The following CCDC178 variants were observed in gnomAD, a reference collection of about 807,000 sequenced individuals.
The protein encoded by CCDC178 is coiled-coil domain-containing protein 178.
A neutral mutation model predicts 117.4 loss-of-function variants in CCDC178; 126 were observed. The observed-to-expected ratio is 1.07, with a 90% CI of 0.93 to 1.24. CCDC178 has a LOEUF of 1.24. Among genes scored for constraint, CCDC178 ranks in the 50% most tolerant of loss-of-function variants. CCDC178 has a pLI of 0.00. For synonymous variants in CCDC178, 283 were observed against 313.4 expected, an observed-to-expected ratio of 0.90 and a Z score of 1.02; for missense variants, 1,030 against 986.9, an observed-to-expected ratio of 1.04 and a Z score of -0.59.
At chr18:33,060,017 A>C (rs1039932249) in intron 21 of CCDC178, among the ~76,000 whole-genome samples, 12 of 151,878 alleles carry the variant, frequency 7.9e-5, no homozygotes, top group Non-Finnish European at 1.6e-4. Flanking sequence ...GCTCTCTCAT[A>C]TTTTGGGTTA....
At chr18:33,346,077 C>T (rs1326357728) in intron 9 of CCDC178, 134 bp downstream of exon 9, 1 of 588,468 alleles carries the variant, frequency 1.7e-6, no homozygotes, top group East Asian at 3.1e-5. Context: ...ATCCGCATCC[C>T]CAGCCTCCCA....
intron 22 of CCDC178, among the ~76,000 whole-genome samples, chr18:32,946,186 T>C (rs2054342786): frequency 6.6e-6 from 1 of 152,192 alleles, no homozygotes; most frequent in African/African-American, 2.4e-5. Flanking sequence ...AAATAATTTT[T>C]ACTCATGAGA....
intron 11 of CCDC178, among the ~76,000 whole-genome samples, chr18:33,312,316 G>A (rs1292287064): frequency 1.3e-5 from 2 of 152,090 alleles, no homozygotes; most frequent in African/African-American, 2.4e-5. Flanking sequence ...GGAAACAGGA[G>A]CTAACATGAA....
Position 33,335,816 on chromosome 18 carries a change from T to G in CCDC178, c.659-2422A>C, listed in dbSNP as rs1467160842. Among the ~76,000 whole-genome samples, 3 of 152,084 alleles carry G rather than the reference T, an allele frequency of 2.0e-5. No individual in the cohort carries two copies. The East Asian group carries it at 5.8e-4, about 29-fold the overall frequency. On this transcript the variant is annotated intron_variant, in intron 9 of 22. Transcript: ENST00000383096. ...CAGATATAATCCTATATCTGACACA[T>G]TTTGAGTAAAATTATGTGGTCTGCT...
intron 6 of CCDC178, among the ~76,000 whole-genome samples, 169 bp from the exon 7 acceptor site, chr18:33,356,515 C>A (rs920139726): frequency 6.6e-6 from 1 of 151,806 alleles, no homozygotes; most frequent in African/African-American, 2.4e-5. Flanking sequence ...CTAAGCCCCC[C>A]CAACTGACTG....
At chr18:33,401,994 C>A (rs919330482) in intron 3 of CCDC178, among the ~76,000 whole-genome samples, 1 of 151,962 alleles carries the variant, frequency 6.6e-6, no homozygotes. Context: ...CAAATAAAAT[C>A]TGGTATTAAT....
Position 33,238,083 on chromosome 18 carries a change from C to A in CCDC178, c.1593+7162G>T, listed in dbSNP as rs77756192. Reference sequence around the variant, plus strand: ...AAGAAACTACATAGAGACTACATTACTGTATCCACCTGGGACTAAATACAA... The same window carrying A: ...AAGAAACTACATAGAGACTACATTAATGTATCCACCTGGGACTAAATACAA... On this transcript the variant is annotated intron_variant, in intron 15 of 22. Coordinates refer to ENST00000383096, the MANE Select transcript of CCDC178 (RefSeq NM_001105528.4). Among the ~76,000 whole-genome samples the A allele has an allele frequency of 9.0e-3, 1,372 of 152,338 alleles. 12 individuals carry two copies. Among genetic ancestry groups the A allele is most frequent in the Middle Eastern group, 0.014 (4 of 294 alleles).
chr18:33,154,969 A>C (rs2058378030), intron 20 of CCDC178, among the ~76,000 whole-genome samples: 1 of 152,168 alleles, frequency 6.6e-6, no homozygotes, highest in Non-Finnish European at 1.5e-5. Flanking sequence ...TTGATAGAAT[A>C]CCAAAAAAAT....
intron 22 of CCDC178, among the ~76,000 whole-genome samples, chr18:32,960,731 C>T (rs962436757): frequency 6.6e-6 from 1 of 152,034 alleles, no homozygotes; most frequent in Non-Finnish European, 1.5e-5. Context: ...CCCCAAAAAT[C>T]GATTCAGCCT....
intron 20 of CCDC178, among the ~76,000 whole-genome samples, chr18:33,208,392 A>AT (rs1321445512): frequency 6.6e-6 from 1 of 151,914 alleles, no homozygotes; most frequent in African/African-American, 2.4e-5. Context: ...GTAATCTCTA[A>AT]TTTTTTTAGA....
chr18:33,348,378 G>C (rs1471831172), intron 8 of CCDC178, among the ~76,000 whole-genome samples: 1 of 151,696 alleles, frequency 6.6e-6, no homozygotes, highest in Non-Finnish European at 1.5e-5. Flanking sequence ...TTTATAAATT[G>C]TGATAAGAAT....
chr18:33,248,731 T>C (rs1051781107), intron 14 of CCDC178, among the ~76,000 whole-genome samples: 1 of 151,906 alleles, frequency 6.6e-6, no homozygotes, highest in South Asian at 2.1e-4. Flanking sequence ...AAACATACGT[T>C]TGCATGTGTC....
intron 5 of CCDC178, among the ~76,000 whole-genome samples, chr18:33,377,701 G>C (rs1462791575): frequency 6.6e-6 from 1 of 152,164 alleles, no homozygotes; most frequent in African/African-American, 2.4e-5. Flanking sequence ...TTACTGAATA[G>C]GGAATGCTTT....
At chr18:33,146,178 C>T (rs1010829370) in intron 20 of CCDC178, among the ~76,000 whole-genome samples, 18 of 152,074 alleles carry the variant, frequency 1.2e-4, no homozygotes, top group East Asian at 3.9e-4. Context: ...GCAATGAATT[C>T]GAAACACTGG....
chr18:33,104,876 C>T lies in CCDC178; in HGVS notation c.2239-11966G>A, dbSNP rs140068975. Among the ~76,000 whole-genome samples, 16 of 151,786 alleles carry T rather than the reference C, an allele frequency of 1.1e-4. No homozygotes were observed. In the East Asian group the frequency reaches 2.7e-3, roughly 26 times the overall value. ...ATTTTATAGTTCTATATAAATATGA[C>T]ATTTTAGCCTGGTAGGGAAGTGTAA... On this transcript the variant is annotated intron_variant, in intron 20 of 22. Coordinates refer to ENST00000383096, the MANE Select transcript of CCDC178 (RefSeq NM_001105528.4).
chr18:33,262,694 A>T (rs11874046), intron 14 of CCDC178, among the ~76,000 whole-genome samples: 28 of 152,150 alleles, frequency 1.8e-4, no homozygotes, highest in Admixed American at 1.1e-3. Flanking sequence ...ACTTTCTCTA[A>T]GCTTCAGCCA....
At chr18:32,965,585 C>T (rs370253413) in intron 22 of CCDC178, among the ~76,000 whole-genome samples, 2 of 151,932 alleles carry the variant, frequency 1.3e-5, no homozygotes, top group South Asian at 2.1e-4. Context: ...ATCACTAGTG[C>T]TATATCATGA....
intron 22 of CCDC178, among the ~76,000 whole-genome samples, chr18:32,952,096 T>C (rs1016959897): frequency 2.6e-5 from 4 of 152,186 alleles, no homozygotes; most frequent in Admixed American, 6.5e-5. Context: ...TGAACTGGCA[T>C]TGAGTGCCTG....
chr18:33,054,151 G>A (rs760109744), intron 21 of CCDC178, among the ~76,000 whole-genome samples: 11 of 151,992 alleles, frequency 7.2e-5, no homozygotes, highest in South Asian at 2.1e-4. Context: ...ACCTACTTTA[G>A]TCTTTCCCAC....
Sources: gnomAD v4.1 joint callset for allele counts (sites outside exome capture counted in the v4.1 genomes callset) on GRCh38, gnomAD v4.1.1 for gene constraint, MANE v1.5 for transcripts, NCBI Gene and HGNC (gene_info 2026-07-23, HGNC 2026-07-21) for gene names.